SP140: variants seen among roughly 807,000 people sequenced by gnomAD.
The protein encoded by SP140 is SP140 nuclear body protein, also known as nuclear body protein SP140.
In SP140, 81 loss-of-function variants were observed where a neutral mutation model predicts 125.0. The ratio of observed to expected loss-of-function variants is 0.65; its 90% CI spans 0.54 to 0.78. The LOEUF (loss-of-function observed/expected upper bound fraction) is 0.78, where lower values mean the gene tolerates loss of function less well. Among genes scored for constraint, SP140 ranks in the 30% least tolerant of loss-of-function variants. The probability of loss-of-function intolerance (pLI) is 0.00; values close to 1 mark genes in which losing one functional copy is unlikely to be tolerated. For missense variants in SP140, 858 were observed against 1,037.0 expected, an observed-to-expected ratio of 0.83 and a Z score of 2.37; for synonymous variants, 312 against 354.0, an observed-to-expected ratio of 0.88 and a Z score of 1.33.
upstream of SP140, among the ~76,000 whole-genome samples, chr2:230,222,224 C>T (rs888623655): frequency 1.6e-4 from 23 of 144,062 alleles, no homozygotes; most frequent in African/African-American, 4.4e-4. Context: ...AGTGAGATCC[C>T]GCCTCAAAAA....
At position 230,310,054 on chromosome 2, in the gene SP140, G is replaced by T. The variant is rs1299083932; in HGVS notation, c.2174+15G>T. The T allele has an allele frequency of 6.2e-7, 1 of 1,612,858 alleles. No homozygotes were observed. Among genetic ancestry groups the T allele is most frequent in the South Asian group, 1.1e-5 (1 of 91,054 alleles). On this transcript the variant is annotated intron_variant, in intron 23 of 26. Coordinates refer to ENST00000392045, the MANE Select transcript of SP140 (RefSeq NM_007237.5). ...GAAGCTGAGAGGTAAGTGACATGCAGGCGTCTCTCTTTTTGTCCTTTAAGG... is the reference window on the plus strand; with the variant it reads ...GAAGCTGAGAGGTAAGTGACATGCATGCGTCTCTCTTTTTGTCCTTTAAGG...
chr2:230,247,830 C>A, intron 7 of SP140, 86 bp from the exon 8 acceptor site: 1 of 1,386,728 alleles, frequency 7.2e-7, no homozygotes, highest in Non-Finnish European at 9.9e-7. Context: ...CACCTTGTTT[C>A]ACTACAATCT....
At chr2:230,243,632 T>A in intron 4 of SP140, 99 bp from the exon 5 acceptor site, 1 of 937,138 alleles carries the variant, frequency 1.1e-6, no homozygotes, top group Non-Finnish European at 1.7e-6. Flanking sequence ...ACCTTCCAGA[T>A]TATCAGGTTT....
intron 12 of SP140, among the ~76,000 whole-genome samples, chr2:230,258,898 CTTTTT>C (rs1169674950): frequency 1.4e-5 from 2 of 147,478 alleles, no homozygotes; most frequent in African/African-American, 2.5e-5. Context: ...GCAAGCTGCA[CTTTTT>C]TTTTTTTCTA....
At chr2:230,245,128 A>T (rs2149170888) in intron 6 of SP140, 48 bp downstream of exon 6, 1 of 1,242,120 alleles carries the variant, frequency 8.1e-7, no homozygotes, top group South Asian at 1.2e-5. Context: ...TAGTTGGCCT[A>T]TCTCTATGCA....
chr2:230,198,980 G>A (rs1338008668), upstream of SP140, among the ~76,000 whole-genome samples: 2 of 151,992 alleles, frequency 1.3e-5, no homozygotes, highest in African/African-American at 4.8e-5. Flanking sequence ...ACATAGACAT[G>A]CTGGCTGGAC....
At chr2:230,275,525 G>C (rs1038041903) in intron 15 of SP140, among the ~76,000 whole-genome samples, 2 of 152,254 alleles carry the variant, frequency 1.3e-5, no homozygotes, top group East Asian at 3.9e-4. Flanking sequence ...AATAAATGTT[G>C]TGTGTGTTTC....
rs775466153 is a variant in SP140, at chr2:230,270,570, A to G, written c.1445-16A>G. 2.5e-6 allele frequency: 4 copies of G among 1,602,866 alleles called. No individual in the cohort carries two copies. In the East Asian group the frequency reaches 8.9e-5, roughly 36 times the overall value. ...TATTAATTTCTGTTTCCTCACCACC[A>G]CTTGTTATTTTCCAGATACTGTGGA... On this transcript the variant is annotated splice_polypyrimidine_tract_variant and intron_variant, in intron 14 of 26. Transcript: ENST00000392045.
In SP140 at chr2:230,269,825, AT is replaced by A; in HGVS notation, c.1328-8del. 6.2e-7 allele frequency: 1 copy of A among 1,601,866 alleles called. No homozygotes were observed. The highest frequency in any genetic ancestry group is 8.6e-7 in the Non-Finnish European group (1 of 1,168,990). On this transcript the variant is annotated splice_polypyrimidine_tract_variant and intron_variant, in intron 13 of 26. Coordinates refer to ENST00000392045, the MANE Select transcript of SP140 (RefSeq NM_007237.5). ...AAACTGAAAGTCTTCATGAATCACA[AT>A]TTTGGCCCAGGAGCGGAGCAATCAG... is the stretch of plus-strand genomic sequence containing the variant.
At chr2:230,285,640 G>A in intron 16 of SP140, 112 bp from the exon 17 acceptor site, 1 of 871,546 alleles carries the variant, frequency 1.1e-6, no homozygotes. Flanking sequence ...CTGGACACCT[G>A]CTCGAGGGGA....
chr2:230,254,844 C>A (rs555445746), intron 11 of SP140, among the ~76,000 whole-genome samples: 1 of 152,194 alleles, frequency 6.6e-6, no homozygotes, highest in Non-Finnish European at 1.5e-5. Context: ...CTAATGGCAT[C>A]AATCATTTCA....
chr2:230,309,202 T>A (rs145455250), intron 22 of SP140, among the ~76,000 whole-genome samples: 1,736 of 152,272 alleles, frequency 0.011, 13 homozygotes, highest in Non-Finnish European at 0.016. Context: ...GGAAATGAGG[T>A]GAGGGCCTCT....
chr2:230,307,990 T>TAC (rs139416979), intron 22 of SP140, among the ~76,000 whole-genome samples: 588 of 52,570 alleles, frequency 0.011, 20 homozygotes, highest in Non-Finnish European at 0.014. Context: ...TATATATATA[T>TAC]ACACACACAC....
intron 1 of SP140, chr2:230,210,011 G>A (rs1267640837): frequency 3.2e-6 from 5 of 1,579,578 alleles, no homozygotes; most frequent in Non-Finnish European, 4.4e-6. Context: ...TCTTATCTCT[G>A]ACAAAAGAAA....
At chr2:230,216,687 C>T in intron 3 of SP140, 1 of 1,510,450 alleles carries the variant, frequency 6.6e-7, no homozygotes, top group Non-Finnish European at 9.2e-7. Context: ...GCCTTCCAAA[C>T]TCTGGAAGCC....
Position 230,255,538 on chromosome 2 carries a change from G to T in SP140, c.1240+6G>T. 6.7e-7 allele frequency: 1 copy of T among 1,488,074 alleles called. No homozygotes were observed. Among genetic ancestry groups the T allele is most frequent in the Non-Finnish European group, 8.9e-7 (1 of 1,126,096 alleles). The allele number at this position is 1,488,074 out of a possible 1,614,324, so 92.2% of individuals were successfully genotyped here. ...CCTAGCAAGACGTGGGTCAGGTAAG[G>T]ACGGGGGGGGGGATTTCTGGCCCTG... On this transcript the variant is annotated splice_donor_region_variant and intron_variant, in intron 12 of 26. Coordinates refer to ENST00000392045, the MANE Select transcript of SP140 (RefSeq NM_007237.5).
chr2:230,199,486 G>A (rs193179847), upstream of SP140, among the ~76,000 whole-genome samples: 1 of 151,974 alleles, frequency 6.6e-6, no homozygotes, highest in Non-Finnish European at 1.5e-5. Context: ...TGGGATTATA[G>A]GCATGAGCCA....
intron 12 of SP140, among the ~76,000 whole-genome samples, chr2:230,265,375 G>T (rs1356279704): frequency 6.6e-6 from 1 of 152,060 alleles, no homozygotes; most frequent in Admixed American, 6.5e-5. Flanking sequence ...CAGGCTATCT[G>T]CCTCCCAGCT....
At position 230,225,758 on chromosome 2, in the gene SP140, C is replaced by G. The variant is rs937576340; in HGVS notation, c.-87C>G. The G allele has an allele frequency of 9.0e-7, 1 of 1,109,102 alleles. No homozygotes were observed. The highest frequency in any genetic ancestry group is 1.2e-5 in the South Asian group (1 of 80,794). The allele number at this position is 1,109,102 out of a possible 1,614,324, so 68.7% of individuals were successfully genotyped here. On this transcript the variant is annotated 5_prime_UTR_variant, in exon 1 of 27. Transcript: ENST00000392045. ...TTTCTTTTCCTCTTTGACTGAGCAC[C>G]GAGGGGCAGTTGGCAGCTTCACCTC...
Sources: gnomAD v4.1 joint callset for allele counts (sites outside exome capture counted in the v4.1 genomes callset) on GRCh38, gnomAD v4.1.1 for gene constraint, MANE v1.5 for transcripts, NCBI Gene and HGNC (gene_info 2026-07-23, HGNC 2026-07-21) for gene names.